Variants in SPAST observed in about 807,000 individuals in gnomAD.
SPAST encodes the protein spastic paraplegia 4 (autosomal dominant; spastin).
Under a neutral mutation model 76.6 loss-of-function variants are expected in SPAST, and 30 were observed. The observed-to-expected ratio is 0.39, with a 90% confidence interval of 0.29 to 0.53. The LOEUF (loss-of-function observed/expected upper bound fraction) is 0.53, where lower values mean the gene tolerates loss of function less well. SPAST is among the 20% of genes least tolerant of loss of function. The pLI is 0.68. For synonymous variants in SPAST, 305 were observed against 281.0 expected, an observed-to-expected ratio of 1.09 and a Z score of -0.86; for missense variants, 717 against 770.5, an observed-to-expected ratio of 0.93 and a Z score of 0.82.
chr2:32,132,780 G>A (rs1376569519), intron 9 of SPAST, among the ~76,000 whole-genome samples: 1 of 152,070 alleles, frequency 6.6e-6, no homozygotes, highest in Non-Finnish European at 1.5e-5. Context: ...AGGCCGAGGT[G>A]GGCAGGTCAG....
chr2:32,066,744 T>C (rs1307421550), intron 1 of SPAST, among the ~76,000 whole-genome samples: 3 of 151,490 alleles, frequency 2.0e-5, no homozygotes, highest in African/African-American at 7.3e-5. Context: ...GAGGCTGAGG[T>C]GGGTGGATTG....
intron 5 of SPAST, 101 bp downstream of exon 5, chr2:32,114,926 T>G: frequency 1.2e-6 from 1 of 848,374 alleles, no homozygotes; most frequent in South Asian, 1.5e-5. Context: ...TTATAATACT[T>G]TAGAGAATGG....
Position 32,115,843 on chromosome 2 carries a change from T to TTG in SPAST, c.1004+9_1004+10dup. The TTG allele has an allele frequency of 4.4e-6, 7 of 1,601,886 alleles. No individual in the cohort carries two copies. Among genetic ancestry groups the TTG allele is most frequent in the Non-Finnish European group, 5.1e-6 (6 of 1,171,544 alleles). ...GAATGAAATTGTGGACAAGTAAGTTTTGCCATCTAAATGTTTTATTTTATA... is the reference window on the plus strand; with the variant it reads ...GAATGAAATTGTGGACAAGTAAGTTTTGTGCCATCTAAATGTTTTATTTTATA... On this transcript the variant is annotated intron_variant, in intron 6 of 16. Transcript: ENST00000315285.
intron 4 of SPAST, 38 bp from the exon 5 acceptor site, chr2:32,114,600 A>C (rs1245709289): frequency 6.4e-7 from 1 of 1,559,066 alleles, no homozygotes; most frequent in African/African-American, 1.4e-5. Flanking sequence ...TTCAGCTACA[A>C]TTTTCTAATC....
chr2:32,083,769 TATATA>T (rs1172596252), intron 1 of SPAST, among the ~76,000 whole-genome samples: 61 of 96,146 alleles, frequency 6.3e-4, no homozygotes, highest in African/African-American at 1.4e-3. Context: ...TATATATATA[TATATA>T]TATTTTTTTT....
intron 4 of SPAST, among the ~76,000 whole-genome samples, chr2:32,105,500 G>C (rs1366185044): frequency 6.6e-6 from 1 of 152,154 alleles, no homozygotes; most frequent in Non-Finnish European, 1.5e-5. Flanking sequence ...TCCGTTGCTG[G>C]TGAGGAGCTG....
rs1050062781 is a variant in SPAST at position 32,075,917 on chromosome 2, T to C, written c.416-11575T>C. Among the ~76,000 whole-genome samples the C allele has an allele frequency of 6.8e-4, 98 of 144,154 alleles. 1 individual carries two copies. The highest frequency in any genetic ancestry group is 9.9e-4 in the Non-Finnish European group (65 of 65,866). 94.6% of individuals were successfully genotyped at this position (144,154 alleles called of 152,430 possible). ...TGCTCTTTTTTTTTTTTTTTTTTTT[T>C]TGAGACAGAGTCTCGCTCTGTCGCC... On this transcript the variant is annotated intron_variant, in intron 1 of 16. Coordinates refer to ENST00000315285, the MANE Select transcript of SPAST (RefSeq NM_014946.4).
At chr2:32,073,482 C>A (rs1053835139) in intron 1 of SPAST, among the ~76,000 whole-genome samples, 1 of 152,000 alleles carries the variant, frequency 6.6e-6, no homozygotes, top group Non-Finnish European at 1.5e-5. Context: ...TTTCTTCACT[C>A]TTTTTTTTAA....
chr2:32,068,929 G>C (rs1490706127), intron 1 of SPAST, among the ~76,000 whole-genome samples: 1 of 151,318 alleles, frequency 6.6e-6, no homozygotes, highest in Non-Finnish European at 1.5e-5. Context: ...GGTGGCTCAA[G>C]CCGGGTGCAG....
At chr2:32,115,140 G>C (rs1678780598) in intron 5 of SPAST, among the ~76,000 whole-genome samples, 1 of 151,874 alleles carries the variant, frequency 6.6e-6, no homozygotes. Context: ...TAGAGACGGG[G>C]TTTCTCCATG....
chr2:32,067,268 G>A (rs993461958), intron 1 of SPAST, among the ~76,000 whole-genome samples: 1 of 152,082 alleles, frequency 6.6e-6, no homozygotes, highest in Non-Finnish European at 1.5e-5. Flanking sequence ...CACCATGTTG[G>A]CCAGGCTGGT....
chr2:32,097,339 G>T (rs1398560737), intron 3 of SPAST, among the ~76,000 whole-genome samples: 1 of 152,098 alleles, frequency 6.6e-6, no homozygotes, highest in Non-Finnish European at 1.5e-5. Context: ...TAATGTAGAC[G>T]TATGTCACAA....
At chr2:32,075,547 CTTTTTTT>C (rs773998404) in intron 1 of SPAST, among the ~76,000 whole-genome samples, 4 of 85,522 alleles carry the variant, frequency 4.7e-5, no homozygotes, top group African/African-American at 1.4e-4. Flanking sequence ...TGGCTTTTTT[CTTTTTTT>C]TTTTTTTTTT....
intron 4 of SPAST, among the ~76,000 whole-genome samples, chr2:32,099,226 T>C (rs978305173): frequency 6.6e-6 from 1 of 152,232 alleles, no homozygotes; most frequent in Non-Finnish European, 1.5e-5. Context: ...TACTGATTTT[T>C]TTCATGAAAT....
intron 1 of SPAST, among the ~76,000 whole-genome samples, chr2:32,081,095 G>T (rs916154362): frequency 4.6e-5 from 7 of 151,774 alleles, no homozygotes; most frequent in Non-Finnish European, 7.4e-5. Flanking sequence ...AATAGCTGAG[G>T]CAACAGGCGT....
At chr2:32,083,778 T>TATA (rs1240909981) in intron 1 of SPAST, among the ~76,000 whole-genome samples, 2 of 89,206 alleles carry the variant, frequency 2.2e-5, no homozygotes, top group Non-Finnish European at 2.2e-5. Context: ...ATATATATAT[T>TATA]TTTTTTTTTT....
chr2:32,063,898 A>G lies in SPAST; in HGVS notation c.67A>G (p.Arg23Gly). 1 of 1,581,966 alleles carries G rather than the reference A, an allele frequency of 6.3e-7. No individual in the cohort carries two copies. The highest frequency in any genetic ancestry group is 1.1e-5 in the South Asian group (1 of 87,926). Residue 23 changes from arginine (R) to glycine (G), a missense_variant, in exon 1 of 17, where the codon AGG becomes GGG. Physicochemically the swap from Arg to Gly is moderately radical, Grantham distance 125. Coordinates refer to ENST00000315285, the MANE Select transcript of SPAST (RefSeq NM_014946.4). ...SGGASNPVPP[R>G]PPPPCLAPAP... The stretch of plus-strand genomic sequence containing the variant: ...CGGCGCCAGCAACCCGGTGCCTCCC[A>G]GGCCTCCGCCCCCTTGCCTGGCCCC...
chr2:32,140,943 G>GTTTTT (rs35964074), intron 12 of SPAST, among the ~76,000 whole-genome samples: 3 of 117,210 alleles, frequency 2.6e-5, no homozygotes, highest in Non-Finnish European at 3.8e-5. Flanking sequence ...TGTTGTTGTT[G>GTTTTT]TTTTTTTTTT....
intron 1 of SPAST, among the ~76,000 whole-genome samples, chr2:32,070,393 T>C (rs1676698787): frequency 6.6e-6 from 1 of 152,156 alleles, no homozygotes; most frequent in African/African-American, 2.4e-5. Flanking sequence ...CACTGAATTT[T>C]CATAAAGGCC....
Sources: allele counts gnomAD v4.1 joint callset (sites outside exome capture counted in the v4.1 genomes callset), GRCh38; gene constraint gnomAD v4.1.1; transcripts MANE v1.5; gene names NCBI Gene and HGNC (gene_info 2026-07-23, HGNC 2026-07-21).